The following ERC2 variants were observed in gnomAD, a reference collection of about 807,000 sequenced individuals.
ERC2 encodes ERC protein 2.
Under a neutral mutation model 114.8 loss-of-function variants are expected in ERC2, and 42 were observed. The observed-to-expected ratio is 0.37, with a 90% CI of 0.29 to 0.47. The LOEUF is 0.47. Among genes scored for constraint, ERC2 ranks in the 20% least tolerant of loss-of-function variants. The pLI is 0.99. For synonymous variants in ERC2, 454 were observed against 425.5 expected (o/e 1.07, Z -0.82); for missense variants, 939 against 1,150.7 (o/e 0.82, Z 2.66).
chr3:56,161,946 A>G (rs776464928), intron 4 of ERC2, among the ~76,000 whole-genome samples: 38 of 152,166 alleles, frequency 2.5e-4, no homozygotes, highest in Non-Finnish European at 5.1e-4. Flanking sequence ...GAGAGTGAGC[A>G]TCCTTGTCTT....
intron 14 of ERC2, among the ~76,000 whole-genome samples, chr3:55,795,770 G>A (rs1391259363): frequency 1.3e-5 from 2 of 152,200 alleles, no homozygotes; most frequent in Non-Finnish European, 2.9e-5. Context: ...CCTTGGATAA[G>A]TGACTTCATT....
chr3:56,065,468 C>T (rs899264259), intron 7 of ERC2, among the ~76,000 whole-genome samples: 9 of 151,952 alleles, frequency 5.9e-5, no homozygotes, highest in African/African-American at 1.9e-4. Context: ...GCAATCCTTC[C>T]ACCTCAGCCA....
At chr3:56,130,324 C>G (rs1298033036) in intron 6 of ERC2, among the ~76,000 whole-genome samples, 1 of 152,164 alleles carries the variant, frequency 6.6e-6, no homozygotes, top group Admixed American at 6.5e-5. Context: ...ATTTTATTGG[C>G]TTTTCAGGAC....
intron 17 of ERC2, among the ~76,000 whole-genome samples, chr3:55,546,225 C>T (rs990909373): frequency 6.6e-6 from 1 of 152,280 alleles, no homozygotes; most frequent in Non-Finnish European, 1.5e-5. Context: ...TCATTCTGTC[C>T]GGCCTCCCTG....
intron 15 of ERC2, among the ~76,000 whole-genome samples, chr3:55,726,593 A>G (rs2064935018): frequency 1.3e-5 from 2 of 152,304 alleles, no homozygotes; most frequent in South Asian, 4.1e-4. Context: ...CCCATTTTTT[A>G]CCACATCTGC....
At chr3:55,745,892 G>A (rs1559587799) in intron 14 of ERC2, among the ~76,000 whole-genome samples, 3 of 152,200 alleles carry the variant, frequency 2.0e-5, no homozygotes, top group Admixed American at 6.5e-5. Context: ...GAGGTTATGT[G>A]TGTGTATATA....
chr3:55,807,473 A>G (rs1026964258), intron 14 of ERC2, among the ~76,000 whole-genome samples: 1 of 152,198 alleles, frequency 6.6e-6, no homozygotes, highest in African/African-American at 2.4e-5. Flanking sequence ...GTAAGGGGTT[A>G]TATAGTAAAT....
intron 7 of ERC2, among the ~76,000 whole-genome samples, chr3:56,080,440 T>C (rs956116301): frequency 6.6e-6 from 1 of 152,204 alleles, no homozygotes; most frequent in Non-Finnish European, 1.5e-5. Flanking sequence ...CTACAGTTTA[T>C]GTGACTATCA....
intron 2 of ERC2, among the ~76,000 whole-genome samples, chr3:56,386,009 G>A (rs949951072): frequency 2.0e-5 from 3 of 152,118 alleles, no homozygotes; most frequent in African/African-American, 7.2e-5. Flanking sequence ...TAGACATATG[G>A]CTTCAAAGTC....
intron 15 of ERC2, among the ~76,000 whole-genome samples, chr3:55,723,924 T>G (rs1228363827): frequency 1.3e-5 from 2 of 152,130 alleles, no homozygotes; most frequent in Non-Finnish European, 2.9e-5. Flanking sequence ...GGATCTTTTT[T>G]CAATGTATTT....
At chr3:56,417,173 TAG>T (rs2061197999) in intron 2 of ERC2, among the ~76,000 whole-genome samples, 1 of 152,244 alleles carries the variant, frequency 6.6e-6, no homozygotes, top group Non-Finnish European at 1.5e-5. Context: ...TATAGCTTGC[TAG>T]ATCTGGAAAC....
At chr3:56,343,182 T>TCA (rs1285597860) in intron 2 of ERC2, among the ~76,000 whole-genome samples, 4 of 21,614 alleles carry the variant, frequency 1.9e-4, no homozygotes, top group Non-Finnish European at 4.1e-4. Flanking sequence ...TCTCTCTCTC[T>TCA]CTCTCTCTCT....
chr3:55,910,717 A>T (rs2064750979), intron 13 of ERC2, among the ~76,000 whole-genome samples: 1 of 152,216 alleles, frequency 6.6e-6, no homozygotes, highest in Non-Finnish European at 1.5e-5. Flanking sequence ...AGTCATCATT[A>T]TCATTTTACA....
rs150249079 is a variant in ERC2 at position 55,665,978 on chromosome 3, T to C, written c.*39+17816A>G. Among the ~76,000 whole-genome samples, 1,011 of 152,290 alleles carry C rather than the reference T, an allele frequency of 6.6e-3. 6 individuals are homozygous for C. Among genetic ancestry groups the C allele is most frequent in the African/African-American group, 0.023 (956 of 41,578 alleles). On this transcript the variant is annotated intron_variant, in intron 17 of 17. Transcript: ENST00000288221. The stretch of plus-strand genomic sequence containing the variant: ...CAGTCTGAGTCCAGACTCTGTTGCA[T>C]TATCCCTTAAACATCACAGCCTCAG...
intron 13 of ERC2, among the ~76,000 whole-genome samples, chr3:55,936,881 T>C (rs112506877): frequency 4.9e-4 from 74 of 152,336 alleles, no homozygotes; most frequent in African/African-American, 1.7e-3. Flanking sequence ...ATTTACTCTG[T>C]GCCGGATGCT....
At chr3:56,133,528 T>C (rs1405413788) in intron 6 of ERC2, among the ~76,000 whole-genome samples, 1 of 152,218 alleles carries the variant, frequency 6.6e-6, no homozygotes, top group Non-Finnish European at 1.5e-5. Flanking sequence ...GGGACTCTCA[T>C]GGAAATCACT....
At chr3:55,677,964 T>C (rs924367736) in intron 17 of ERC2, among the ~76,000 whole-genome samples, 1 of 152,170 alleles carries the variant, frequency 6.6e-6, no homozygotes, top group Non-Finnish European at 1.5e-5. Context: ...TCTCCAGTAC[T>C]AAGATGAAGA....
intron 6 of ERC2, among the ~76,000 whole-genome samples, chr3:56,095,770 C>G (rs1274931157): frequency 2.6e-5 from 4 of 152,156 alleles, no homozygotes; most frequent in Non-Finnish European, 5.9e-5. Flanking sequence ...TCTAGTTTAG[C>G]CCTTTCTTGA....
intron 2 of ERC2, among the ~76,000 whole-genome samples, chr3:56,406,003 G>A (rs1045549717): frequency 4.2e-5 from 6 of 144,094 alleles, no homozygotes; most frequent in African/African-American, 1.3e-4. Context: ...AGCGAGTCTC[G>A]TGTCTCAGCC....
Sources: gnomAD v4.1 joint callset for allele counts (sites outside exome capture counted in the v4.1 genomes callset) on GRCh38, gnomAD v4.1.1 for gene constraint, MANE v1.5 for transcripts, NCBI Gene and HGNC (gene_info 2026-07-23, HGNC 2026-07-21) for gene names.